PPARG: variants seen among roughly 807,000 people sequenced by gnomAD.
The protein encoded by PPARG is peroxisome proliferator activated receptor gamma.
In PPARG, 17 loss-of-function variants were observed where a neutral mutation model predicts 39.2. The ratio of observed to expected loss-of-function variants is 0.43; its 90% confidence interval spans 0.30 to 0.65. The LOEUF is 0.65. PPARG is among the 30% of genes least tolerant of loss of function. The probability of loss-of-function intolerance (pLI) is 0.13; values close to 1 mark genes in which losing one functional copy is unlikely to be tolerated. For missense variants in PPARG, 406 were observed against 585.9 expected (o/e 0.69, Z 3.17); for synonymous variants, 223 against 215.7 (o/e 1.03, Z -0.30).
intron 1 of PPARG, among the ~76,000 whole-genome samples, chr3:12,307,135 ATTC>A (rs2047092868): frequency 7.7e-6 from 1 of 130,002 alleles, no homozygotes; most frequent in Non-Finnish European, 1.6e-5. Context: ...CTGTTAGGAA[ATTC>A]TTTTTTTTTT....
chr3:12,417,902 C>CTGTTT (rs2051130961), intron 7 of PPARG, among the ~76,000 whole-genome samples: 1 of 65,900 alleles, frequency 1.5e-5, no homozygotes, highest in Non-Finnish European at 2.7e-5. Flanking sequence ...TTTTTTTTTC[C>CTGTTT]TTTTTTTTTT....
At chr3:12,398,623 G>A (rs1182400822) in intron 5 of PPARG, among the ~76,000 whole-genome samples, 1 of 152,138 alleles carries the variant, frequency 6.6e-6, no homozygotes, top group African/African-American at 2.4e-5. Context: ...TAAGGGAGAG[G>A]CACCATCAGA....
chr3:12,297,461 G>A (rs895429870), intron 1 of PPARG, among the ~76,000 whole-genome samples: 1 of 152,178 alleles, frequency 6.6e-6, no homozygotes, highest in South Asian at 2.1e-4. Flanking sequence ...ATAATCAAAA[G>A]CATACATTTA....
chr3:12,300,226 A>G (rs1166818944), intron 1 of PPARG, among the ~76,000 whole-genome samples: 1 of 152,248 alleles, frequency 6.6e-6, no homozygotes, highest in South Asian at 2.1e-4. Context: ...TTGGTTCTAC[A>G]AACATTTACC....
intron 1 of PPARG, among the ~76,000 whole-genome samples, chr3:12,292,992 TG>T (rs2046686463): frequency 6.6e-6 from 1 of 152,134 alleles, no homozygotes; most frequent in African/African-American, 2.4e-5. Context: ...TGCGTGTAGG[TG>T]GGCTGAGTGT....
chr3:12,354,416 G>A (rs779921048), intron 2 of PPARG, among the ~76,000 whole-genome samples: 1 of 151,912 alleles, frequency 6.6e-6, no homozygotes, highest in Non-Finnish European at 1.5e-5. Flanking sequence ...GCCTTGTAGC[G>A]TTAATCACTT....
At chr3:12,393,169 A>G (rs1212839913) in intron 5 of PPARG, among the ~76,000 whole-genome samples, 2 of 148,686 alleles carry the variant, frequency 1.3e-5, no homozygotes, top group Admixed American at 6.7e-5. Flanking sequence ...TAAATGGCAT[A>G]TGAGAATTTA....
intron 1 of PPARG, among the ~76,000 whole-genome samples, chr3:12,306,535 C>A (rs1015016794): frequency 6.6e-6 from 1 of 152,202 alleles, no homozygotes; most frequent in Non-Finnish European, 1.5e-5. Flanking sequence ...GCCTACTTTG[C>A]AAGTATTTGG....
At chr3:12,388,587 C>T (rs535504939) in intron 4 of PPARG, among the ~76,000 whole-genome samples, 2 of 152,260 alleles carry the variant, frequency 1.3e-5, no homozygotes, top group South Asian at 4.1e-4. Context: ...TTGTAGGAGT[C>T]CCCCAGTTTA....
At chr3:12,312,029 G>C (rs149047379) in intron 1 of PPARG, among the ~76,000 whole-genome samples, 1 of 152,230 alleles carries the variant, frequency 6.6e-6, no homozygotes, top group Non-Finnish European at 1.5e-5. Flanking sequence ...TGCAGTAATA[G>C]AGGTATCGTC....
intron 2 of PPARG, among the ~76,000 whole-genome samples, chr3:12,318,858 GT>G (rs35408322): frequency 5.3e-5 from 8 of 149,638 alleles, no homozygotes; most frequent in Admixed American, 2.0e-4. Flanking sequence ...TACTGTTCTA[GT>G]TTTTTTTTTC....
intron 1 of PPARG, among the ~76,000 whole-genome samples, chr3:12,309,862 T>C (rs2080141044): frequency 6.6e-6 from 1 of 152,222 alleles, no homozygotes; most frequent in African/African-American, 2.4e-5. Context: ...ACAGCCCCTG[T>C]CTAACGTGGG....
At chr3:12,363,056 G>C (rs2048903535) in intron 2 of PPARG, among the ~76,000 whole-genome samples, 1 of 151,918 alleles carries the variant, frequency 6.6e-6, no homozygotes, top group Non-Finnish European at 1.5e-5. Flanking sequence ...CAGTAGCTGG[G>C]ACCACAGCAC....
chr3:12,413,501 A>G (rs1328233185), intron 6 of PPARG, among the ~76,000 whole-genome samples: 1 of 152,158 alleles, frequency 6.6e-6, no homozygotes, highest in Non-Finnish European at 1.5e-5. Flanking sequence ...TTCAGAATGC[A>G]GAAAGGATTG....
At chr3:12,293,021 G>T (rs2046687187) in intron 1 of PPARG, among the ~76,000 whole-genome samples, 1 of 152,208 alleles carries the variant, frequency 6.6e-6, no homozygotes, top group African/African-American at 2.4e-5. Context: ...CGGGAGTGGG[G>T]AGCCGTGTTA....
intron 7 of PPARG, 86 bp from the exon 8 acceptor site, chr3:12,433,812 G>C: frequency 6.3e-7 from 1 of 1,588,650 alleles, no homozygotes; most frequent in East Asian, 2.2e-5. Flanking sequence ...TGAGTTGCTT[G>C]GTAGAGCTGC....
Position 12,433,887 on chromosome 3 carries a change from T to C in PPARG, c.1181-11T>C. ...AACCCCCTGTTGTGTTTTCCATATG[T>C]GCTTCCCCAGACCGCCCAGGTTTGC... On this transcript the variant is annotated splice_polypyrimidine_tract_variant and intron_variant, in intron 7 of 7. Coordinates refer to ENST00000651735, the MANE Select transcript of PPARG (RefSeq NM_138711.6). 6.2e-7 allele frequency: 1 copy of C among 1,613,998 alleles called. No homozygotes were observed. Among genetic ancestry groups the C allele is most frequent in the African/African-American group, 1.3e-5 (1 of 75,066 alleles).
chr3:12,390,637 C>CTTTTTTTTTTTT (rs35190152), intron 4 of PPARG, among the ~76,000 whole-genome samples: 5 of 92,354 alleles, frequency 5.4e-5, no homozygotes, highest in Admixed American at 1.6e-4. Context: ...TATTTTCTTC[C>CTTTTTTTTTTTT]TTTTTTTTTT....
intron 1 of PPARG, among the ~76,000 whole-genome samples, chr3:12,306,467 TAAA>T (rs2124972347): frequency 6.6e-6 from 1 of 152,256 alleles, no homozygotes; most frequent in African/African-American, 2.4e-5. Flanking sequence ...TGCCAGGTGA[TAAA>T]AACTAGGATT....
Sources: gnomAD v4.1 joint callset for allele counts (sites outside exome capture counted in the v4.1 genomes callset) on GRCh38, gnomAD v4.1.1 for gene constraint, MANE v1.5 for transcripts, NCBI Gene and HGNC (gene_info 2026-07-23, HGNC 2026-07-21) for gene names.